The following UBASH3B variants were observed in gnomAD, a reference collection of about 807,000 sequenced individuals.
The protein encoded by UBASH3B is ubiquitin associated and SH3 domain containing B.
Under a neutral mutation model 83.4 loss-of-function variants are expected in UBASH3B, and 37 were observed. The observed-to-expected ratio is 0.44, with a 90% confidence interval of 0.34 to 0.58. UBASH3B has a LOEUF of 0.58. Ranked by LOEUF, UBASH3B falls within the 20% of genes least tolerant of loss-of-function variation. The pLI, the probability that UBASH3B is intolerant of heterozygous loss-of-function variation, is 0.01. For synonymous variants in UBASH3B, 304 were observed against 318.3 expected (o/e 0.96, Z 0.48); for missense variants, 657 against 827.2 (o/e 0.79, Z 2.52).
At chr11:122,720,826 C>T (rs571823214) in intron 1 of UBASH3B, among the ~76,000 whole-genome samples, 19 of 152,066 alleles carry the variant, frequency 1.2e-4, no homozygotes, top group Non-Finnish European at 1.9e-4. Flanking sequence ...TTTTCCAAAA[C>T]GCTTACTATA....
chr11:122,675,333 T>C (rs1029175545), intron 1 of UBASH3B, among the ~76,000 whole-genome samples: 2 of 152,028 alleles, frequency 1.3e-5, no homozygotes, highest in African/African-American at 4.8e-5. Context: ...GTTTTAAGAG[T>C]TGTTTTGAGT....
At chr11:122,727,387 G>A (rs7924691) in intron 1 of UBASH3B, 93,631 of 152,034 alleles carry the variant, frequency 0.62, 29,200 homozygotes, top group African/African-American at 0.72. Flanking sequence ...AATTTCCTGC[G>A]TTCTCTAAGG....
intron 1 of UBASH3B, among the ~76,000 whole-genome samples, chr11:122,741,458 C>T (rs900655948): frequency 6.6e-5 from 10 of 152,244 alleles, no homozygotes; most frequent in Admixed American, 3.3e-4. Context: ...TGAGCAAAAC[C>T]GGAGGTTGTG....
intron 1 of UBASH3B, among the ~76,000 whole-genome samples, chr11:122,710,510 A>T (rs1470404405): frequency 1.3e-5 from 2 of 152,198 alleles, no homozygotes; most frequent in East Asian, 3.9e-4. Flanking sequence ...ACCAGACATG[A>T]TCTCCCCCAC....
chr11:122,778,487 G>A (rs1469666533), intron 3 of UBASH3B, among the ~76,000 whole-genome samples: 1 of 150,564 alleles, frequency 6.6e-6, no homozygotes, highest in African/African-American at 2.4e-5. Context: ...AAGTACAGAT[G>A]ATACAAAATA....
chr11:122,801,263 G>A lies in UBASH3B; in HGVS notation c.1526G>A (p.Ser509Asn), dbSNP rs745895039. The change falls in exon 11 of 14, where the codon AGC (serine) becomes AAC (asparagine). Residue 509 changes from serine to asparagine, a missense_variant. Transcript: ENST00000284273. ...LFEWTKWVAG[S>N]TLPAWIPPSE... ...GAGTGGACAAAATGGGTTGCTGGGAGCACATTACCTGCATGGATACCTCCA... is the reference window on the plus strand; with the variant it reads ...GAGTGGACAAAATGGGTTGCTGGGAACACATTACCTGCATGGATACCTCCA... 1 of 1,614,206 alleles carries A rather than the reference G, an allele frequency of 6.2e-7. No individual in the cohort carries two copies. The highest frequency in any genetic ancestry group is 1.1e-5 in the South Asian group (1 of 91,086).
intron 1 of UBASH3B, among the ~76,000 whole-genome samples, chr11:122,699,543 TTCTTTCTTTC>T (rs1357300820): frequency 2.3e-5 from 3 of 133,018 alleles, no homozygotes; most frequent in African/African-American, 6.6e-5. Flanking sequence ...CTTTCTTTCT[TTCTTTCTTTC>T]TTTCTTTCTT....
At chr11:122,804,175 G>A (rs1591332381) in intron 11 of UBASH3B, among the ~76,000 whole-genome samples, 3 of 152,186 alleles carry the variant, frequency 2.0e-5, no homozygotes, top group Admixed American at 2.0e-4. Flanking sequence ...GATGGGCCTG[G>A]GAGATGAGGT....
chr11:122,655,775 G>C lies in UBASH3B; in HGVS notation c.-275G>C. On this transcript the variant is annotated 5_prime_UTR_variant, in exon 1 of 14. Coordinates refer to ENST00000284273, the MANE Select transcript of UBASH3B (RefSeq NM_032873.5). ...GAGAGGGAAGGGGGCGGAGGAGACAGGGCTACTGCAGGCGCAGAGCTGGGG... is the reference window on the plus strand; with the variant it reads ...GAGAGGGAAGGGGGCGGAGGAGACACGGCTACTGCAGGCGCAGAGCTGGGG... The C allele has an allele frequency of 2.5e-6, 1 of 399,120 alleles. No individual in the cohort carries two copies. 24.7% of individuals were successfully genotyped at this position (399,120 alleles called of 1,614,324 possible).
At chr11:122,685,679 G>A (rs1863800173) in intron 1 of UBASH3B, among the ~76,000 whole-genome samples, 1 of 152,090 alleles carries the variant, frequency 6.6e-6, no homozygotes, top group African/African-American at 2.4e-5. Context: ...ACAATGCCCA[G>A]CTAATTTTTT....
In UBASH3B at chr11:122,806,386, C is replaced by T. The variant is rs907826143; in HGVS notation, c.1596-24C>T. The T allele has an allele frequency of 1.3e-6, 2 of 1,574,010 alleles. No homozygotes were observed. Among genetic ancestry groups the T allele is most frequent in the Non-Finnish European group, 1.7e-6 (2 of 1,161,434 alleles). On this transcript the variant is annotated intron_variant, in intron 11 of 13. Coordinates refer to ENST00000284273, the MANE Select transcript of UBASH3B (RefSeq NM_032873.5). This position sits in a 1 kb window ranked among gnomAD's most constrained non-coding sequence, Gnocchi z 4.0. ...TCTCAAGATCAAAATGTTTTCATTTCCTTTGTTCATTTTTCTATTACAGAC... is the reference window on the plus strand; with the variant it reads ...TCTCAAGATCAAAATGTTTTCATTTTCTTTGTTCATTTTTCTATTACAGAC...
intron 5 of UBASH3B, among the ~76,000 whole-genome samples, chr11:122,784,050 C>G (rs1229293805): frequency 2.6e-5 from 4 of 151,992 alleles, no homozygotes; most frequent in Non-Finnish European, 4.4e-5. Flanking sequence ...AAGCGATTCT[C>G]CTGCCTCAGC....
intron 5 of UBASH3B, 113 bp from the exon 6 acceptor site, chr11:122,788,987 C>A: frequency 1.0e-6 from 1 of 973,130 alleles, no homozygotes; most frequent in Non-Finnish European, 1.6e-6. Context: ...GGCTCCTGGG[C>A]ACATCGCCCT....
intron 6 of UBASH3B, among the ~76,000 whole-genome samples, chr11:122,790,907 C>T (rs556690095): frequency 1.6e-4 from 24 of 151,428 alleles, no homozygotes; most frequent in South Asian, 1.0e-3. Flanking sequence ...GCTGAGATCA[C>T]GCAACTGCAC....
At chr11:122,696,297 T>G (rs1863964003) in intron 1 of UBASH3B, among the ~76,000 whole-genome samples, 3 of 151,642 alleles carry the variant, frequency 2.0e-5, no homozygotes, top group African/African-American at 7.3e-5. Context: ...GATTTTAACC[T>G]TAATGAGGAT....
intron 1 of UBASH3B, among the ~76,000 whole-genome samples, chr11:122,706,400 C>T: frequency 6.6e-6 from 1 of 152,158 alleles, no homozygotes; most frequent in Non-Finnish European, 1.5e-5. Flanking sequence ...GAAAGGCACT[C>T]AAAGGTCTTG....
chr11:122,773,905 A>C, intron 1 of UBASH3B: 2 of 866,648 alleles, frequency 2.3e-6, no homozygotes, highest in South Asian at 1.1e-4. Flanking sequence ...TCCTTATATA[A>C]ATAGCACATT....
At chr11:122,718,141 C>A (rs1013966068) in intron 1 of UBASH3B, among the ~76,000 whole-genome samples, 3 of 152,066 alleles carry the variant, frequency 2.0e-5, no homozygotes, top group Non-Finnish European at 2.9e-5. Flanking sequence ...GCCAGGCAGG[C>A]CTCGAGCTCC....
intron 9 of UBASH3B, 116 bp downstream of exon 9, chr11:122,797,149 C>T (rs1372666140): frequency 7.1e-7 from 1 of 1,401,048 alleles, no homozygotes; most frequent in Non-Finnish European, 9.6e-7. Flanking sequence ...CTACAAGTTT[C>T]CTCAATTCAA....
Sources: gnomAD v4.1 joint callset for allele counts (sites outside exome capture counted in the v4.1 genomes callset) on GRCh38, gnomAD v4.1.1 for gene constraint, Gnocchi (gnomAD v3.1) non-coding constraint, MANE v1.5 for transcripts, NCBI Gene and HGNC (gene_info 2026-07-23, HGNC 2026-07-21) for gene names.